TBC1D16: variants seen among roughly 807,000 people sequenced by gnomAD.
TBC1D16 encodes CTD-2529O21.1.
A neutral mutation model predicts 74.7 loss-of-function variants in TBC1D16; 58 were observed. The ratio of observed to expected loss-of-function variants is 0.78; its 90% CI spans 0.63 to 0.97. TBC1D16 has a LOEUF of 0.97. Among genes scored for constraint, TBC1D16 ranks in the 50% least tolerant of loss-of-function variants. TBC1D16 has a pLI of 0.00. For missense variants in TBC1D16, 1,014 were observed against 1,079.5 expected, an observed-to-expected ratio of 0.94 and a Z score of 0.85; for synonymous variants, 493 against 474.7, an observed-to-expected ratio of 1.04 and a Z score of -0.50.
At position 79,999,533 on chromosome 17, in the gene TBC1D16, CTTTTTTTTTTTTTTT is replaced by C. The variant is rs71163906; in HGVS notation, c.779+10612_779+10626del. On this transcript the variant is annotated intron_variant, in intron 3 of 11. Transcript: ENST00000310924. Reference sequence around the variant, plus strand: ...TCCCTTCTGCCTTTCCCCCAAATTTCTTTTTTTTTTTTTTTTTTTTTTTTTTTGAGATGGAGTCTC... The same window carrying C: ...TCCCTTCTGCCTTTCCCCCAAATTTCTTTTTTTTTTTTGAGATGGAGTCTC... 5.0e-4 allele frequency among the ~76,000 whole-genome samples: 38 copies of C among 76,476 alleles called. 1 individual carries two copies. In the Middle Eastern group the frequency reaches 0.027, roughly 55 times the overall value. The allele number at this position is 76,476 out of a possible 152,430, so 50.2% of individuals were successfully genotyped here.
rs1290659234 is a variant in TBC1D16 at position 79,954,049 on chromosome 17, C to T, written c.780-1231G>A. Among the ~76,000 whole-genome samples the T allele has an allele frequency of 1.3e-5, 2 of 152,170 alleles. No homozygotes were observed. Among genetic ancestry groups the T allele is most frequent in the Admixed American group, 6.5e-5 (1 of 15,284 alleles). ...CCTCCAAAAGTGTTGGGATTACAGG[C>T]GTGAGCCATCGCGCCTGACACTCTC... On this transcript the variant is annotated intron_variant, in intron 3 of 11. Transcript: ENST00000310924. The surrounding 1 kb of genome is among the most constrained non-coding windows in gnomAD (Gnocchi z 5.5).
intron 3 of TBC1D16, among the ~76,000 whole-genome samples, chr17:79,958,558 C>G (rs1054444950): frequency 2.6e-5 from 4 of 152,162 alleles, no homozygotes; most frequent in African/African-American, 9.7e-5. Context: ...AAACAAGATG[C>G]CAAAGGCTTA....
intron 1 of TBC1D16, among the ~76,000 whole-genome samples, chr17:80,017,203 TG>T (rs1466483575): frequency 6.6e-6 from 1 of 152,140 alleles, no homozygotes; most frequent in Non-Finnish European, 1.5e-5. Context: ...TTGGACTCTC[TG>T]GGCCGGAGAG....
intron 1 of TBC1D16, among the ~76,000 whole-genome samples, chr17:80,017,595 C>T (rs1055925640): frequency 2.7e-5 from 4 of 147,502 alleles, no homozygotes; most frequent in African/African-American, 9.9e-5. Context: ...GCGGGAGAAT[C>T]GCTTGAACCC....
chr17:80,004,117 A>C (rs1276959727), intron 3 of TBC1D16, among the ~76,000 whole-genome samples: 2 of 152,262 alleles, frequency 1.3e-5, no homozygotes, highest in Non-Finnish European at 2.9e-5. Flanking sequence ...TATTATGTAA[A>C]ATTAAAAATT....
intron 1 of TBC1D16, among the ~76,000 whole-genome samples, chr17:80,034,252 G>A (rs1240038959): frequency 6.9e-6 from 1 of 144,202 alleles, no homozygotes; most frequent in African/African-American, 2.6e-5. Flanking sequence ...CCCGGGCTGG[G>A]GTGCAGTTGC....
At chr17:79,960,811 G>GAAAAAAAAAAAAAAAAAAAAAA (rs2033578708) in intron 3 of TBC1D16, among the ~76,000 whole-genome samples, 1 of 40,330 alleles carries the variant, frequency 2.5e-5, no homozygotes, top group Non-Finnish European at 5.0e-5. Flanking sequence ...AAAAAAAAAC[G>GAAAAAAAAAAAAAAAAAAAAAA]AAGGAATGAA....
At chr17:80,023,789 C>CCACCT (rs2143183175) in intron 1 of TBC1D16, 1 of 150,310 alleles carries the variant, frequency 6.7e-6, no homozygotes, top group South Asian at 2.1e-4. Context: ...CCCTCATCTC[C>CCACCT]CACCTCCCAG....
chr17:79,941,072 G>T lies in TBC1D16; in HGVS notation c.2091C>A (p.Pro697=). Reference sequence around the variant, plus strand: ...GATCGTGCAGGCTGCAGGGGATCCGGGGCAGGAGGCGGAACTGGTACAGCA... The same window carrying T: ...GATCGTGCAGGCTGCAGGGGATCCGTGGCAGGAGGCGGAACTGGTACAGCA... ...RSLLYQFRLL[P]RIPCSLHDLC... is the part of the protein sequence containing the mutation. Residue 697 remains proline (P), a synonymous_variant, in exon 12 of 12, where the codon CCC becomes CCA. Transcript: ENST00000310924. This position sits in a 1 kb window ranked among gnomAD's most constrained non-coding sequence, Gnocchi z 4.3. The T allele has an allele frequency of 6.3e-7, 1 of 1,593,178 alleles. No individual in the cohort carries two copies. Among genetic ancestry groups the T allele is most frequent in the East Asian group, 2.3e-5 (1 of 43,760 alleles).
At position 80,030,846 on chromosome 17, in the gene TBC1D16, T is replaced by G. The variant is rs9896568; in HGVS notation, c.-63+4949A>C. On this transcript the variant is annotated intron_variant, in intron 1 of 11. Transcript: ENST00000310924. ...TCCCATGGCCATGTCACTGCCAGAC[T>G]GCTCAGGAGCAACACGCACTGAGCC... Among the ~76,000 whole-genome samples the G allele has an allele frequency of 4.2e-3, 642 of 152,334 alleles. 4 individuals carry two copies. The highest frequency in any genetic ancestry group is 0.015 in the African/African-American group (624 of 41,574).
chr17:80,007,662 G>A lies in TBC1D16; in HGVS notation c.779+2498C>T, dbSNP rs2035728668. ...GACATGAAGGTGCCTCGCCCCAGGA[G>A]CTGAGTCTCAAACATATAAGCTGGC... On this transcript the variant is annotated intron_variant, in intron 3 of 11. Transcript: ENST00000310924. The surrounding 1 kb of genome is among the most constrained non-coding windows in gnomAD (Gnocchi z 4.5). Among the ~76,000 whole-genome samples the A allele has an allele frequency of 6.6e-6, 1 of 152,190 alleles. No individual in the cohort carries two copies. Among genetic ancestry groups the A allele is most frequent in the African/African-American group, 2.4e-5 (1 of 41,450 alleles).
intron 1 of TBC1D16, among the ~76,000 whole-genome samples, chr17:80,018,270 C>T (rs1450485280): frequency 7.4e-6 from 1 of 135,350 alleles, no homozygotes; most frequent in Non-Finnish European, 1.5e-5. Flanking sequence ...AATATGAAAA[C>T]ATTATTTCTT....
In TBC1D16 at chr17:80,010,024, C is replaced by T. The variant is rs1010656233; in HGVS notation, c.779+136G>A. 9.3e-6 allele frequency: 7 copies of T among 751,490 alleles called. No individual in the cohort carries two copies. Among genetic ancestry groups the T allele is most frequent in the South Asian group, 3.8e-5 (2 of 53,222 alleles). 46.6% of individuals were successfully genotyped at this position (751,490 alleles called of 1,614,324 possible). ...CAGGGAGGGGCTCCTGCCACAGCCA[C>T]GGCCACAGCCGCGGGCAGGTCGGGC... On this transcript the variant is annotated intron_variant, in intron 3 of 11. Transcript: ENST00000310924. The surrounding 1 kb of genome is among the most constrained non-coding windows in gnomAD (Gnocchi z 8.8).
rs1352945525 is a variant in TBC1D16, at chr17:80,009,916, G to A, written c.779+244C>T. Reference sequence around the variant, plus strand: ...AGTCCTAGTGAGTCTCAAGGAGAGAGAAGAATGTGGACACCCCGACGCACC... The same window carrying A: ...AGTCCTAGTGAGTCTCAAGGAGAGAAAAGAATGTGGACACCCCGACGCACC... On this transcript the variant is annotated intron_variant, in intron 3 of 11. Coordinates refer to ENST00000310924, the MANE Select transcript of TBC1D16 (RefSeq NM_019020.4). The surrounding 1 kb of genome is among the most constrained non-coding windows in gnomAD (Gnocchi z 5.4). Among the ~76,000 whole-genome samples, 2 of 152,172 alleles carry A rather than the reference G, an allele frequency of 1.3e-5. No homozygotes were observed. Among genetic ancestry groups the A allele is most frequent in the African/African-American group, 2.4e-5 (1 of 41,440 alleles).
rs2034685300 is a variant in TBC1D16 at position 79,983,610 on chromosome 17, A to T, written c.779+26550T>A. Among the ~76,000 whole-genome samples the T allele has an allele frequency of 6.6e-6, 1 of 152,208 alleles. No homozygotes were observed. The highest frequency in any genetic ancestry group is 6.5e-5 in the Admixed American group (1 of 15,286). ...GGGCTCAAAGCAAGGCAGAATGTTGAGAAGTGCACATGTGTGCAAAGCCTG... is the reference window on the plus strand; with the variant it reads ...GGGCTCAAAGCAAGGCAGAATGTTGTGAAGTGCACATGTGTGCAAAGCCTG... On this transcript the variant is annotated intron_variant, in intron 3 of 11. Coordinates refer to ENST00000310924, the MANE Select transcript of TBC1D16 (RefSeq NM_019020.4). This position sits in a 1 kb window ranked among gnomAD's most constrained non-coding sequence, Gnocchi z 5.6.
Position 79,950,299 on chromosome 17 carries a change from G to A in TBC1D16, c.1257+112C>T, listed in dbSNP as rs2032940912. 8.1e-7 allele frequency: 1 copy of A among 1,241,420 alleles called. No individual in the cohort carries two copies. The highest frequency in any genetic ancestry group is 1.1e-6 in the Non-Finnish European group (1 of 922,410). 76.9% of individuals were successfully genotyped at this position (1,241,420 alleles called of 1,614,324 possible). On this transcript the variant is annotated intron_variant, in intron 6 of 11. Coordinates refer to ENST00000310924, the MANE Select transcript of TBC1D16 (RefSeq NM_019020.4). The surrounding 1 kb of genome is among the most constrained non-coding windows in gnomAD (Gnocchi z 4.6). ...CAAGAAAACGGGGCCCTCACGAGGA[G>A]GTGGCCCGTGGGTGCGGGCGGGCGG...
intron 1 of TBC1D16, among the ~76,000 whole-genome samples, chr17:80,033,373 G>A (rs1598459909): frequency 6.6e-6 from 1 of 151,634 alleles, no homozygotes; most frequent in Admixed American, 6.6e-5. Context: ...TGTTGTTTGG[G>A]TTTTTTAGGT....
chr17:80,027,387 A>C (rs1049606674), intron 1 of TBC1D16, among the ~76,000 whole-genome samples: 3 of 152,074 alleles, frequency 2.0e-5, no homozygotes, highest in Non-Finnish European at 4.4e-5. Flanking sequence ...GCTTGAGCCC[A>C]GGAGTTCGAG....
At chr17:79,964,828 C>A (rs913298731) in intron 3 of TBC1D16, among the ~76,000 whole-genome samples, 2 of 152,082 alleles carry the variant, frequency 1.3e-5, no homozygotes, top group African/African-American at 4.8e-5. Context: ...GAAATCCTCA[C>A]ACTGTTATGC....
Sources: gnomAD v4.1 joint callset for allele counts (sites outside exome capture counted in the v4.1 genomes callset) on GRCh38, gnomAD v4.1.1 for gene constraint, Gnocchi (gnomAD v3.1) non-coding constraint, MANE v1.5 for transcripts, NCBI Gene and HGNC (gene_info 2026-07-23, HGNC 2026-07-21) for gene names.